Variants in NMNAT2 observed in about 807,000 individuals in gnomAD.
NMNAT2 encodes nicotinamide/nicotinic acid mononucleotide adenylyltransferase 2.
NMNAT2 carries 11 observed loss-of-function variants against 41.6 expected under a neutral mutation model. The ratio of observed to expected loss-of-function variants is 0.26; its 90% CI spans 0.17 to 0.44. NMNAT2 has a LOEUF of 0.44. NMNAT2 is among the 20% of genes least tolerant of loss of function. The pLI, the probability that NMNAT2 is intolerant of heterozygous loss-of-function variation, is 1.00. For synonymous variants in NMNAT2, 148 were observed against 151.2 expected (o/e 0.98, Z 0.16); for missense variants, 288 against 407.7 (o/e 0.71, Z 2.53).
intron 1 of NMNAT2, among the ~76,000 whole-genome samples, chr1:183,399,996 C>G (rs1015871426): frequency 5.8e-4 from 89 of 152,148 alleles, no homozygotes; most frequent in Non-Finnish European, 8.1e-4. Flanking sequence ...CCTTTGAAAA[C>G]TGGCACAAGA....
intron 7 of NMNAT2, among the ~76,000 whole-genome samples, chr1:183,281,278 CTG>C (rs1285377039): frequency 6.6e-6 from 1 of 152,064 alleles, no homozygotes; most frequent in Non-Finnish European, 1.5e-5. Flanking sequence ...TGGGCAATGT[CTG>C]GACATTTTTG....
At chr1:183,418,058 C>A (rs1357778552) in intron 1 of NMNAT2, 125 bp downstream of exon 1, 2 of 855,958 alleles carry the variant, frequency 2.3e-6, no homozygotes, top group African/African-American at 3.4e-5. Flanking sequence ...CCTCCACCAG[C>A]TGGATGAGCC....
chr1:183,329,731 A>G (rs1164443017), intron 1 of NMNAT2, among the ~76,000 whole-genome samples: 1 of 152,140 alleles, frequency 6.6e-6, no homozygotes, highest in East Asian at 1.9e-4. Flanking sequence ...CCAAGGTGAG[A>G]TCCAGGAGCC....
intron 8 of NMNAT2, 143 bp downstream of exon 8, chr1:183,278,410 G>T: frequency 1.6e-6 from 1 of 609,738 alleles, no homozygotes; most frequent in Non-Finnish European, 3.0e-6. Flanking sequence ...TTGGGGGTAG[G>T]TGAGAATTTT....
chr1:183,415,240 C>T (rs1649222225), intron 1 of NMNAT2, among the ~76,000 whole-genome samples: 1 of 152,172 alleles, frequency 6.6e-6, no homozygotes, highest in Non-Finnish European at 1.5e-5. Context: ...ATCTTCACCT[C>T]CCAAAGTGCT....
Position 183,258,981 on chromosome 1 carries a change from C to T in NMNAT2, c.821+2021G>A, listed in dbSNP as rs921834657. ...CTGGTCTCCCGCACAGCCGGCTCTG[C>T]GTGAATTACTCTTTCTCTATTGCAA... On this transcript the variant is annotated intron_variant, in intron 10 of 10. Transcript: ENST00000287713. Among the ~76,000 whole-genome samples the T allele has an allele frequency of 1.1e-4, 17 of 152,300 alleles. No homozygotes were observed. In the East Asian group the frequency reaches 2.3e-3, roughly 21 times the overall value.
chr1:183,351,606 T>G (rs952565692), intron 1 of NMNAT2, among the ~76,000 whole-genome samples: 4 of 152,248 alleles, frequency 2.6e-5, no homozygotes, highest in Non-Finnish European at 5.9e-5. Context: ...TAATATCTTC[T>G]GATTGGTTTA....
chr1:183,289,246 C>T (rs1023604211), intron 4 of NMNAT2, among the ~76,000 whole-genome samples: 9 of 152,130 alleles, frequency 5.9e-5, no homozygotes, highest in African/African-American at 9.7e-5. Context: ...CTGCAGAGTC[C>T]GTGGAGGCGA....
chr1:183,394,929 G>A (rs140917029), intron 1 of NMNAT2, among the ~76,000 whole-genome samples: 303 of 152,294 alleles, frequency 2.0e-3, no homozygotes, highest in African/African-American at 7.1e-3. Flanking sequence ...CCACATGTCT[G>A]CAGGCCTCTC....
intron 1 of NMNAT2, among the ~76,000 whole-genome samples, chr1:183,327,883 C>G (rs776719908): frequency 7.2e-5 from 11 of 152,206 alleles, no homozygotes; most frequent in Non-Finnish European, 7.3e-5. Context: ...CTGGCCCTGT[C>G]TACTCCCTGG....
intron 1 of NMNAT2, among the ~76,000 whole-genome samples, chr1:183,389,188 C>T (rs1461795429): frequency 6.6e-6 from 1 of 152,180 alleles, no homozygotes; most frequent in African/African-American, 2.4e-5. Flanking sequence ...CACTGCAGGT[C>T]CCCAGCTAAC....
chr1:183,400,262 A>G (rs1270330402), intron 1 of NMNAT2, among the ~76,000 whole-genome samples: 1 of 152,212 alleles, frequency 6.6e-6, no homozygotes, highest in African/African-American at 2.4e-5. Context: ...ATTCATATAC[A>G]CCAATAATAG....
intron 1 of NMNAT2, among the ~76,000 whole-genome samples, chr1:183,385,052 TA>T (rs1326101973): frequency 2.0e-5 from 3 of 150,680 alleles, no homozygotes; most frequent in Admixed American, 1.3e-4. Flanking sequence ...AAATAAAAAA[TA>T]AAAAAAATTA....
intron 8 of NMNAT2, among the ~76,000 whole-genome samples, chr1:183,267,649 G>T (rs1335996551): frequency 6.6e-6 from 1 of 152,104 alleles, no homozygotes; most frequent in Non-Finnish European, 1.5e-5. Flanking sequence ...ACCCCAGGAA[G>T]CATAGGGCAC....
In NMNAT2 at chr1:183,300,136, G is replaced by C. The variant is rs564594951; in HGVS notation, c.86-6343C>G. 6.6e-5 allele frequency among the ~76,000 whole-genome samples: 10 copies of C among 152,206 alleles called. No homozygotes were observed. The South Asian group carries it at 2.1e-3, about 32-fold the overall frequency. On this transcript the variant is annotated intron_variant, in intron 1 of 10. Coordinates refer to ENST00000287713, the MANE Select transcript of NMNAT2 (RefSeq NM_015039.4). ...GGCACCATTTAGGCTGGGCACAGTG[G>C]CTCATGACTGTAATCCCAACACTTT...
At chr1:183,384,588 C>A (rs559441416) in intron 1 of NMNAT2, among the ~76,000 whole-genome samples, 111 of 152,318 alleles carry the variant, frequency 7.3e-4, no homozygotes, top group Non-Finnish European at 1.1e-3. Flanking sequence ...ATGATCCAGT[C>A]ACCTTCCACT....
chr1:183,413,560 G>A (rs957336415), intron 1 of NMNAT2, among the ~76,000 whole-genome samples: 1 of 149,784 alleles, frequency 6.7e-6, no homozygotes, highest in Non-Finnish European at 1.5e-5. Context: ...TCTTTTCGAA[G>A]AAATATGATT....
rs113989477 is a variant in NMNAT2 at position 183,304,229 on chromosome 1, G to A, written c.86-10436C>T. On this transcript the variant is annotated intron_variant, in intron 1 of 10. Transcript: ENST00000287713. ...ACATTTTTGGAAAAGCGTGCAGCAC[G>A]TACAAAGGCATGAAGATATGATATT... Among the ~76,000 whole-genome samples the A allele has an allele frequency of 1.4e-3, 206 of 152,324 alleles. 1 individual carries two copies. The highest frequency in any genetic ancestry group is 4.1e-3 in the African/African-American group (172 of 41,578).
intron 1 of NMNAT2, among the ~76,000 whole-genome samples, chr1:183,343,879 C>T (rs920720991): frequency 6.6e-6 from 1 of 152,218 alleles, no homozygotes; most frequent in African/African-American, 2.4e-5. Context: ...CCTCACCTCC[C>T]TATCCAGCCT....
Sources: allele counts gnomAD v4.1 joint callset (sites outside exome capture counted in the v4.1 genomes callset), GRCh38; gene constraint gnomAD v4.1.1; transcripts MANE v1.5; gene names NCBI Gene and HGNC (gene_info 2026-07-23, HGNC 2026-07-21).